Variants in KHDRBS2 observed in about 807,000 individuals in gnomAD.
The protein encoded by KHDRBS2 is KH domain-containing, RNA-binding, signal transduction-associated protein 2.
KHDRBS2 carries 26 observed loss-of-function variants against 44.3 expected under a neutral mutation model. The ratio of observed to expected loss-of-function variants is 0.59; its 90% confidence interval spans 0.43 to 0.81. KHDRBS2 has a LOEUF of 0.81. Among genes scored for constraint, KHDRBS2 ranks in the 40% least tolerant of loss-of-function variants. The probability of loss-of-function intolerance (pLI) is 0.00; values close to 1 mark genes in which losing one functional copy is unlikely to be tolerated. For synonymous variants in KHDRBS2, 194 were observed against 151.1 expected (o/e 1.28, Z -2.08); for missense variants, 476 against 433.1 (o/e 1.10, Z -0.88).
At chr6:61,636,520 C>G in the KHDRBS2 span, among the ~76,000 whole-genome samples, 90 of 152,176 alleles carry the variant, frequency 5.9e-4, no homozygotes, top group Non-Finnish European at 4.9e-4. Flanking sequence ...TCCATCTAAT[C>G]TTGTGACTCA....
chr6:62,098,346 C>T (rs1801120377), intron 2 of KHDRBS2, among the ~76,000 whole-genome samples: 1 of 150,136 alleles, frequency 6.7e-6, no homozygotes, highest in Non-Finnish European at 1.5e-5. Flanking sequence ...GATATACTCT[C>T]TGAGCTTTTG....
chr6:62,106,941 C>T (rs1385255930), intron 2 of KHDRBS2, among the ~76,000 whole-genome samples: 1 of 151,874 alleles, frequency 6.6e-6, no homozygotes, highest in Non-Finnish European at 1.5e-5. Context: ...TGGGATATAT[C>T]TCAAAATAAT....
chr6:62,249,468 C>T (rs1836160644), intron 1 of KHDRBS2, among the ~76,000 whole-genome samples: 1 of 151,634 alleles, frequency 6.6e-6, no homozygotes, highest in Non-Finnish European at 1.5e-5. Context: ...ATTAATGTAC[C>T]AAAATCTTGT....
intron 6 of KHDRBS2, among the ~76,000 whole-genome samples, chr6:61,869,964 G>GTTTTTT (rs59518436): frequency 1.3e-4 from 14 of 109,008 alleles, no homozygotes; most frequent in African/African-American, 4.5e-4. Context: ...CTGCAGGAGT[G>GTTTTTT]TTTTTTTTTT....
chr6:62,135,921 A>G (rs1374382260), intron 2 of KHDRBS2, among the ~76,000 whole-genome samples: 1 of 152,148 alleles, frequency 6.6e-6, no homozygotes, highest in East Asian at 1.9e-4. Context: ...AATGGGAAAT[A>G]TAGATCAAAG....
chr6:62,271,112 G>A (rs367708467), intron 1 of KHDRBS2, among the ~76,000 whole-genome samples: 3 of 152,076 alleles, frequency 2.0e-5, no homozygotes, highest in African/African-American at 7.2e-5. Flanking sequence ...TTAACCTTAA[G>A]TATATATATA....
At chr6:62,171,068 C>G (rs1217485609) in intron 2 of KHDRBS2, among the ~76,000 whole-genome samples, 1 of 151,846 alleles carries the variant, frequency 6.6e-6, no homozygotes, top group Non-Finnish European at 1.5e-5. Flanking sequence ...ACCAGAGTGT[C>G]TTCCTACCTC....
At chr6:61,706,959 C>CAAAAAA (rs1030211291) in intron 7 of KHDRBS2, among the ~76,000 whole-genome samples, 1 of 151,026 alleles carries the variant, frequency 6.6e-6, no homozygotes, top group African/African-American at 2.4e-5. Context: ...AAAACAAAAA[C>CAAAAAA]AAAACAGTTA....
intron 2 of KHDRBS2, among the ~76,000 whole-genome samples, chr6:62,077,199 A>G (rs1161341880): frequency 3.3e-5 from 5 of 152,080 alleles, no homozygotes; most frequent in Non-Finnish European, 7.4e-5. Flanking sequence ...AGCAAGGACC[A>G]TATTAAGTTC....
At chr6:62,164,381 C>T (rs1347352748) in intron 2 of KHDRBS2, among the ~76,000 whole-genome samples, 1 of 151,724 alleles carries the variant, frequency 6.6e-6, no homozygotes, top group Non-Finnish European at 1.5e-5. Context: ...TTCCTCCATT[C>T]TAGGAAAAAA....
chr6:62,227,678 T>A lies in KHDRBS2; in HGVS notation c.92-50366A>T, dbSNP rs1585300004. Among the ~76,000 whole-genome samples the A allele has an allele frequency of 5.3e-5, 8 of 152,146 alleles. 1 individual carries two copies. In the South Asian group the frequency reaches 1.7e-3, roughly 32 times the overall value. ...TGTGTGTTTGTCATAAATAGTTGTT[T>A]TTATTTTGAGATATGTTCTATCAAT... On this transcript the variant is annotated intron_variant, in intron 1 of 8. Transcript: ENST00000281156.
At chr6:61,812,695 T>C (rs1788314030) in intron 6 of KHDRBS2, among the ~76,000 whole-genome samples, 1 of 151,964 alleles carries the variant, frequency 6.6e-6, no homozygotes, top group Non-Finnish European at 1.5e-5. Flanking sequence ...AAGGATAAAA[T>C]ATAAAACAAA....
At chr6:62,221,215 A>T (rs949769501) in intron 1 of KHDRBS2, among the ~76,000 whole-genome samples, 4 of 152,088 alleles carry the variant, frequency 2.6e-5, no homozygotes, top group Admixed American at 1.3e-4. Flanking sequence ...CATAAAAATA[A>T]AAGTTGTATT....
At chr6:61,797,771 A>G (rs909720503) in intron 6 of KHDRBS2, among the ~76,000 whole-genome samples, 2 of 150,968 alleles carry the variant, frequency 1.3e-5, no homozygotes, top group African/African-American at 2.4e-5. Flanking sequence ...GTGTATGTAT[A>G]TATATCGTAT....
At chr6:61,804,921 C>T (rs764702579) in intron 6 of KHDRBS2, among the ~76,000 whole-genome samples, 4 of 152,182 alleles carry the variant, frequency 2.6e-5, no homozygotes, top group Non-Finnish European at 5.9e-5. Flanking sequence ...TCCCTATTGT[C>T]TTGGTGATTA....
At chr6:62,265,420 C>CTGTGTA (rs952299927) in intron 1 of KHDRBS2, among the ~76,000 whole-genome samples, 4 of 151,538 alleles carry the variant, frequency 2.6e-5, no homozygotes, top group Admixed American at 6.6e-5. Flanking sequence ...GTGTGTATGT[C>CTGTGTA]TGTGTATGTG....
intron 2 of KHDRBS2, among the ~76,000 whole-genome samples, chr6:62,057,787 A>C (rs555357812): frequency 1.3e-5 from 2 of 152,080 alleles, no homozygotes; most frequent in South Asian, 4.1e-4. Flanking sequence ...AATTTGTATA[A>C]GTCAAATTCA....
At chr6:61,903,339 T>C (rs1804405145) in intron 4 of KHDRBS2, among the ~76,000 whole-genome samples, 1 of 152,206 alleles carries the variant, frequency 6.6e-6, no homozygotes, top group African/African-American at 2.4e-5. Flanking sequence ...AAGAGATGGA[T>C]TGTCATTGTT....
chr6:61,652,468 T>C, the KHDRBS2 span, among the ~76,000 whole-genome samples: 1 of 151,968 alleles, frequency 6.6e-6, no homozygotes, highest in Non-Finnish European at 1.5e-5. Context: ...AATTTAAACT[T>C]ATTCACTTTA....
Sources: allele counts gnomAD v4.1 joint callset (sites outside exome capture counted in the v4.1 genomes callset), GRCh38; gene constraint gnomAD v4.1.1; transcripts MANE v1.5; gene names NCBI Gene and HGNC (gene_info 2026-07-23, HGNC 2026-07-21).